DYSF: variants seen among roughly 807,000 people sequenced by gnomAD.
DYSF encodes the protein dysferlin, also known as dystrophy-associated fer-1-like 1.
A neutral mutation model predicts 274.9 loss-of-function variants in DYSF; 212 were observed. The observed-to-expected ratio is 0.77, with a 90% CI of 0.69 to 0.86. The LOEUF (loss-of-function observed/expected upper bound fraction) is 0.86. Among genes scored for constraint, DYSF ranks in the 40% least tolerant of loss-of-function variants. The pLI is 0.00. For synonymous variants in DYSF, 1,091 were observed against 1,078.7 expected (o/e 1.01, Z -0.22); for missense variants, 2,666 against 2,783.2 (o/e 0.96, Z 0.95).
chr2:71,677,637 T>C (rs142251559), intron 52 of DYSF, among the ~76,000 whole-genome samples: 484 of 139,972 alleles, frequency 3.5e-3, no homozygotes, highest in Middle Eastern at 7.6e-3. Context: ...CACAGTGAGG[T>C]ACCACTTCAC....
intron 1 of DYSF, among the ~76,000 whole-genome samples, chr2:71,460,766 C>T (rs544897712): frequency 1.3e-5 from 2 of 152,010 alleles, no homozygotes; most frequent in Admixed American, 1.3e-4. Context: ...AGACCCTTTT[C>T]CTTGGATGCA....
chr2:71,610,880 C>T (rs1437853161), intron 36 of DYSF: 1 of 344,480 alleles, frequency 2.9e-6, no homozygotes, highest in East Asian at 7.4e-5. Context: ...AGTGGATCTG[C>T]CAGGATGGAA....
chr2:71,517,115 G>A lies in DYSF; in HGVS notation c.1002+76G>A, dbSNP rs1347086629. ...GTGGAGCCTCTGTGGACCATGGGCA[G>A]GGGCTCCAGAGATCCTGTGTTTCTC... On this transcript the variant is annotated intron_variant, in intron 10 of 55. Coordinates refer to ENST00000410020, the MANE Select transcript of DYSF (RefSeq NM_001130987.2). 1.2e-5 allele frequency: 17 copies of A among 1,374,960 alleles called. No homozygotes were observed. In the East Asian group the frequency reaches 2.5e-4, roughly 20 times the overall value. The allele number at this position is 1,374,960 out of a possible 1,614,324, so 85.2% of individuals were successfully genotyped here. A position where few individuals can be genotyped will look rare whatever the true frequency, so the allele number is the denominator to read the frequency against.
chr2:71,638,037 G>A (rs1241962359), intron 41 of DYSF, among the ~76,000 whole-genome samples: 1 of 152,034 alleles, frequency 6.6e-6, no homozygotes, highest in East Asian at 1.9e-4. Context: ...AAGGAAGAGG[G>A]AATTGCAGCC....
In DYSF at chr2:71,453,609, A is replaced by G; in HGVS notation, c.-390A>G. 8.9e-6 allele frequency: 3 copies of G among 337,316 alleles called. No homozygotes were observed. The East Asian group carries it at 2.3e-4, about 26-fold the overall frequency. The allele number at this position is 337,316 out of a possible 1,614,324, so 20.9% of individuals were successfully genotyped here. A position where few individuals can be genotyped will look rare whatever the true frequency, so the allele number is the denominator to read the frequency against. On this transcript the variant is annotated 5_prime_UTR_variant, in exon 1 of 55. Transcript: ENST00000258104. ...CGCCGGGCGCCCGGAGCCCTAGTCC[A>G]GCCCCCGGCCATCGCGGCCGCCGCC...
chr2:71,564,260 A>G, intron 24 of DYSF, 47 bp downstream of exon 24: 1 of 1,611,656 alleles, frequency 6.2e-7, no homozygotes, highest in Non-Finnish European at 8.5e-7. Context: ...TTCCCAACAT[A>G]AGGCCTTTCT....
Position 71,669,715 on chromosome 2 carries a change from C to T in DYSF, c.5753C>T (p.Pro1918Leu). 1 of 1,614,216 alleles carries T rather than the reference C, an allele frequency of 6.2e-7. No homozygotes were observed. Among genetic ancestry groups the T allele is most frequent in the Non-Finnish European group, 8.5e-7 (1 of 1,180,050 alleles). The change falls in exon 51 of 56, where the codon CCA becomes CTA. Residue 1918 changes from proline to leucine, a missense_variant. Pro to Leu is a moderately conservative substitution (Grantham distance 98). Coordinates refer to ENST00000410020, the MANE Select transcript of DYSF (RefSeq NM_001130987.2). Reference protein sequence around the residue: ...WRFIFPFDYLPAEQVCTIAKK... With the variant: ...WRFIFPFDYLLAEQVCTIAKK... ...TTCATTTTCCCCTTCGACTACCTGC[C>T]AGCTGAGCAAGTCTGTACCATTGCC...
chr2:71,533,555 G>A (rs2088980370), intron 14 of DYSF, among the ~76,000 whole-genome samples: 1 of 152,242 alleles, frequency 6.6e-6, no homozygotes, highest in Non-Finnish European at 1.5e-5. Context: ...GCTAGTTCAA[G>A]CCATGCTGCA....
intron 32 of DYSF, 82 bp downstream of exon 32, chr2:71,590,370 G>A (rs1173014333): frequency 6.0e-6 from 9 of 1,497,968 alleles, no homozygotes; most frequent in Non-Finnish European, 8.4e-6. Flanking sequence ...GGCAACAAGG[G>A]GTGCTGTTTG....
chr2:71,620,345 C>T (rs1451939826), intron 40 of DYSF, among the ~76,000 whole-genome samples: 1 of 152,212 alleles, frequency 6.6e-6, no homozygotes, highest in Admixed American at 6.5e-5. Context: ...AGGACGCTGA[C>T]CCAGAGAGGT....
At chr2:71,471,011 G>C (rs1031524883) in intron 1 of DYSF, among the ~76,000 whole-genome samples, 29 of 152,116 alleles carry the variant, frequency 1.9e-4, no homozygotes, top group African/African-American at 7.0e-4. Context: ...GCCCAGGCTG[G>C]TCTCAAACTC....
At chr2:71,569,307 CCT>C (rs1574051993) in intron 26 of DYSF, among the ~76,000 whole-genome samples, 3 of 152,204 alleles carry the variant, frequency 2.0e-5, no homozygotes, top group South Asian at 2.1e-4. Flanking sequence ...TCACACATCC[CCT>C]GAGTGGTCCT....
chr2:71,587,013 G>A (rs1490534008), intron 30 of DYSF, among the ~76,000 whole-genome samples: 1 of 152,184 alleles, frequency 6.6e-6, no homozygotes. Context: ...CAGGCATCAC[G>A]CACTGTTGCA....
Position 71,557,822 on chromosome 2 carries a change from G to C in DYSF, c.2216+1751G>C, listed in dbSNP as rs751530410. Among the ~76,000 whole-genome samples the C allele has an allele frequency of 2.0e-5, 3 of 152,128 alleles. No homozygotes were observed. The East Asian group carries it at 5.8e-4, about 29-fold the overall frequency. On this transcript the variant is annotated intron_variant, in intron 22 of 55. Transcript: ENST00000410020. ...GCACTTTGGGAGACTGAGGCAGACA[G>C]ATCACTTGAGGTCAGGAGTTCAAGA... is the stretch of plus-strand genomic sequence containing the variant.
chr2:71,532,754 T>G (rs2088877378), intron 14 of DYSF, among the ~76,000 whole-genome samples: 1 of 152,242 alleles, frequency 6.6e-6, no homozygotes, highest in Non-Finnish European at 1.5e-5. Flanking sequence ...TTGGCAGAGC[T>G]GCTCAGCTGG....
intron 24 of DYSF, among the ~76,000 whole-genome samples, chr2:71,565,525 C>G (rs1384774301): frequency 2.6e-5 from 4 of 152,112 alleles, no homozygotes; most frequent in African/African-American, 9.7e-5. Flanking sequence ...TTCCCTACAT[C>G]TCTCCTCCCT....
At chr2:71,580,831 C>G (rs555663726) in intron 30 of DYSF, among the ~76,000 whole-genome samples, 1 of 152,326 alleles carries the variant, frequency 6.6e-6, no homozygotes, top group African/African-American at 2.4e-5. Flanking sequence ...CTGTCTCGCT[C>G]AAGATTTGAA....
At chr2:71,536,158 T>A (rs181308997) in intron 16 of DYSF, among the ~76,000 whole-genome samples, 7 of 152,228 alleles carry the variant, frequency 4.6e-5, no homozygotes, top group Non-Finnish European at 1.0e-4. Flanking sequence ...TCTCAGGGCA[T>A]TGGGCTTCCC....
intron 5 of DYSF, 105 bp downstream of exon 5, chr2:71,512,026 C>T: frequency 1.3e-6 from 1 of 788,158 alleles, no homozygotes. Context: ...CCTTTGCTGC[C>T]CTCCCCAGGT....
Sources: gnomAD v4.1 joint callset for allele counts (sites outside exome capture counted in the v4.1 genomes callset) on GRCh38, gnomAD v4.1.1 for gene constraint, MANE v1.5 for transcripts, NCBI Gene and HGNC (gene_info 2026-07-23, HGNC 2026-07-21) for gene names.